Variants in MKLN1 observed in about 807,000 individuals in gnomAD.
MKLN1 encodes the protein muskelin 1, also known as muskelin.
A neutral mutation model predicts 99.0 loss-of-function variants in MKLN1; 18 were observed. That is an observed-to-expected ratio of 0.18 (90% CI 0.13 to 0.27). The LOEUF (loss-of-function observed/expected upper bound fraction) is 0.27, where lower values mean the gene tolerates loss of function less well. Among genes scored for constraint, MKLN1 ranks in the 10% least tolerant of loss-of-function variants. The pLI is 1.00. For synonymous variants in MKLN1, 288 were observed against 293.2 expected, an observed-to-expected ratio of 0.98 and a Z score of 0.18; for missense variants, 621 against 875.9, an observed-to-expected ratio of 0.71 and a Z score of 3.67.
chr7:131,432,736 G>C (rs536886952), intron 9 of MKLN1, among the ~76,000 whole-genome samples: 1 of 152,078 alleles, frequency 6.6e-6, no homozygotes, highest in Admixed American at 6.6e-5. Context: ...ATGAGCCACC[G>C]CGCCTGGCCC....
At chr7:131,259,334 A>T (rs1057086963) in intron 3 of MKLN1, among the ~76,000 whole-genome samples, 1 of 152,126 alleles carries the variant, frequency 6.6e-6, no homozygotes, top group Non-Finnish European at 1.5e-5. Context: ...TGTACTCAGA[A>T]ATGGAGACAG....
chr7:131,410,432 A>G (rs1794841178), intron 6 of MKLN1, among the ~76,000 whole-genome samples: 1 of 152,340 alleles, frequency 6.6e-6, no homozygotes, highest in South Asian at 2.1e-4. Context: ...TAAGTGTTCC[A>G]TAAGTATAGT....
At chr7:131,454,708 G>A (rs1483868660) in intron 12 of MKLN1, among the ~76,000 whole-genome samples, 2 of 152,266 alleles carry the variant, frequency 1.3e-5, no homozygotes, top group East Asian at 3.9e-4. Flanking sequence ...TTCCTCCCAT[G>A]TGACACAATT....
chr7:131,207,735 G>T (rs1181789689), intron 3 of MKLN1, among the ~76,000 whole-genome samples: 1 of 152,078 alleles, frequency 6.6e-6, no homozygotes, highest in Non-Finnish European at 1.5e-5. Flanking sequence ...GGTCACCTTG[G>T]GATTGCAAAG....
chr7:131,312,518 T>C (rs1461863190), intron 3 of MKLN1, among the ~76,000 whole-genome samples: 1 of 152,188 alleles, frequency 6.6e-6, no homozygotes, highest in African/African-American at 2.4e-5. Flanking sequence ...ACAAAATTCT[T>C]TTCATGAGAT....
intron 1 of MKLN1, among the ~76,000 whole-genome samples, chr7:131,355,572 T>A (rs1028087996): frequency 4.0e-5 from 6 of 151,206 alleles, no homozygotes; most frequent in Non-Finnish European, 7.4e-5. Context: ...TTGCATTATA[T>A]CTTCTAACTG....
intron 3 of MKLN1, among the ~76,000 whole-genome samples, chr7:131,211,947 G>A (rs1463114101): frequency 6.6e-6 from 1 of 152,146 alleles, no homozygotes; most frequent in Admixed American, 6.6e-5. Context: ...GGTCTTACAG[G>A]AGTGTTGGAG....
At chr7:131,218,478 T>C (rs1451671313) in intron 3 of MKLN1, among the ~76,000 whole-genome samples, 1 of 152,212 alleles carries the variant, frequency 6.6e-6, no homozygotes, top group Non-Finnish European at 1.5e-5. Context: ...GTCTTTGTTT[T>C]GAAGTTAAAC....
intron 4 of MKLN1, among the ~76,000 whole-genome samples, chr7:131,392,497 C>T (rs1794223013): frequency 6.6e-6 from 1 of 152,090 alleles, no homozygotes; most frequent in African/African-American, 2.4e-5. Flanking sequence ...TTAGTATGTG[C>T]CAGTTACTGT....
At chr7:131,311,166 A>C (rs411430) in intron 3 of MKLN1, 3 of 152,210 alleles carry the variant, frequency 2.0e-5, no homozygotes, top group Non-Finnish European at 4.4e-5. Flanking sequence ...TATGATCTCC[A>C]AAGTTATCAG....
At chr7:131,449,789 A>G (rs1796126102) in intron 12 of MKLN1, among the ~76,000 whole-genome samples, 2 of 151,848 alleles carry the variant, frequency 1.3e-5, no homozygotes. Context: ...ATTGAGAACC[A>G]CTGTTCTAGC....
At chr7:131,372,172 A>G (rs1398722637) in intron 1 of MKLN1, among the ~76,000 whole-genome samples, 2 of 152,078 alleles carry the variant, frequency 1.3e-5, no homozygotes, top group East Asian at 3.8e-4. Context: ...GTTCCAATGT[A>G]TCATAGTTAT....
chr7:131,254,183 C>A (rs6979517), intron 3 of MKLN1, among the ~76,000 whole-genome samples: 1 of 152,096 alleles, frequency 6.6e-6, no homozygotes, highest in Non-Finnish European at 1.5e-5. Context: ...GGGCTGTGCA[C>A]ATGACCAACC....
At chr7:131,207,226 A>T in intron 3 of MKLN1, among the ~76,000 whole-genome samples, 1 of 152,106 alleles carries the variant, frequency 6.6e-6, no homozygotes, top group East Asian at 1.9e-4. Flanking sequence ...TTTTTGAGAC[A>T]GAGTCTCACT....
intron 1 of MKLN1, among the ~76,000 whole-genome samples, chr7:131,367,126 T>G (rs928311861): frequency 6.6e-6 from 1 of 152,344 alleles, no homozygotes; most frequent in Middle Eastern, 3.4e-3. Flanking sequence ...AGAATTTAAT[T>G]ACTCATAGTC....
chr7:131,389,869 A>G (rs1430885375), intron 4 of MKLN1, among the ~76,000 whole-genome samples: 1 of 151,896 alleles, frequency 6.6e-6, no homozygotes, highest in Non-Finnish European at 1.5e-5. Flanking sequence ...AGCCTGGGAG[A>G]CAGAGCGAGA....
At chr7:131,213,594 C>G (rs11974964) in intron 3 of MKLN1, among the ~76,000 whole-genome samples, 27,672 of 152,144 alleles carry the variant, frequency 0.18, 2,954 homozygotes, top group Non-Finnish European at 0.25. Context: ...CAAATATTAC[C>G]AAATATTCCC....
intron 1 of MKLN1, among the ~76,000 whole-genome samples, chr7:131,114,624 G>T (rs1364945678): frequency 6.6e-6 from 1 of 152,178 alleles, no homozygotes; most frequent in East Asian, 1.9e-4. Flanking sequence ...AACATCAGCA[G>T]TATTAAATGC....
chr7:131,458,768 T>C (rs745800397), intron 12 of MKLN1, among the ~76,000 whole-genome samples: 5 of 152,126 alleles, frequency 3.3e-5, no homozygotes, highest in Non-Finnish European at 7.4e-5. Context: ...TATTTTGCCC[T>C]CGTTAAGATT....
Sources: gnomAD v4.1 joint callset for allele counts (sites outside exome capture counted in the v4.1 genomes callset) on GRCh38, gnomAD v4.1.1 for gene constraint, MANE v1.5 for transcripts, NCBI Gene and HGNC (gene_info 2026-07-23, HGNC 2026-07-21) for gene names.